The following ETV6 variants were observed in gnomAD, a reference collection of about 807,000 sequenced individuals.
ETV6 encodes ETS variant transcription factor 6.
ETV6 carries 16 observed loss-of-function variants against 51.1 expected under a neutral mutation model. That is an observed-to-expected ratio of 0.31 (90% confidence interval 0.21 to 0.48). ETV6 has a LOEUF of 0.48. Ranked by LOEUF, ETV6 falls within the 20% of genes least tolerant of loss-of-function variation. ETV6 has a pLI of 0.99. For missense variants in ETV6, 458 were observed against 594.8 expected (o/e 0.77, Z 2.39); for synonymous variants, 240 against 224.1 (o/e 1.07, Z -0.64).
chr12:11,820,097 A>G (rs1234808095), intron 2 of ETV6, among the ~76,000 whole-genome samples: 1 of 152,202 alleles, frequency 6.6e-6, no homozygotes, highest in African/African-American at 2.4e-5. Flanking sequence ...ATAATTCCTG[A>G]CGTAGGTCCT....
intron 2 of ETV6, among the ~76,000 whole-genome samples, chr12:11,812,010 C>T (rs1945920828): frequency 6.6e-6 from 1 of 152,194 alleles, no homozygotes; most frequent in African/African-American, 2.4e-5. Flanking sequence ...CAATCAGACA[C>T]ATGTGGCAGT....
intron 2 of ETV6, among the ~76,000 whole-genome samples, chr12:11,778,861 C>T (rs1028166237): frequency 1.2e-4 from 19 of 152,196 alleles, no homozygotes; most frequent in African/African-American, 2.2e-4. Flanking sequence ...ACACATTATT[C>T]GTTTGTAAAA....
At chr12:11,864,650 T>C (rs577443440) in intron 4 of ETV6, among the ~76,000 whole-genome samples, 2 of 152,312 alleles carry the variant, frequency 1.3e-5, no homozygotes, top group East Asian at 1.9e-4. Flanking sequence ...TTACAGATCA[T>C]TTTAGTTGGT....
At chr12:11,749,121 C>A (rs1210783927) in intron 1 of ETV6, among the ~76,000 whole-genome samples, 1 of 152,112 alleles carries the variant, frequency 6.6e-6, no homozygotes, top group Non-Finnish European at 1.5e-5. Flanking sequence ...TTTACAGCAT[C>A]TAAACAATAA....
intron 1 of ETV6, among the ~76,000 whole-genome samples, chr12:11,745,345 T>G (rs1865887626): frequency 6.6e-6 from 1 of 152,250 alleles, no homozygotes; most frequent in Non-Finnish European, 1.5e-5. Context: ...AGGAGAACAG[T>G]AAATCGCCCA....
intron 2 of ETV6, among the ~76,000 whole-genome samples, chr12:11,782,929 A>G (rs1166894479): frequency 1.3e-5 from 2 of 152,206 alleles, no homozygotes; most frequent in East Asian, 1.9e-4. Flanking sequence ...ATGCCATGCT[A>G]AGGAGTTTAG....
At chr12:11,849,108 GTTGT>G (rs56777835) in intron 3 of ETV6, among the ~76,000 whole-genome samples, 39 of 151,460 alleles carry the variant, frequency 2.6e-4, no homozygotes, top group African/African-American at 7.3e-4. Context: ...CTGTTTTGGC[GTTGT>G]TTGTTTGTTT....
intron 3 of ETV6, among the ~76,000 whole-genome samples, chr12:11,848,808 A>G (rs1946504850): frequency 2.0e-5 from 3 of 152,236 alleles, no homozygotes. Context: ...CTGTGTATGT[A>G]TGCGTGAAGA....
At chr12:11,820,949 G>A (rs191559982) in intron 2 of ETV6, among the ~76,000 whole-genome samples, 1 of 152,328 alleles carries the variant, frequency 6.6e-6, no homozygotes, top group Admixed American at 6.5e-5. Context: ...ATCCAGGCAA[G>A]AGAGGATGGT....
rs1420299534 is a variant in ETV6, at chr12:11,894,085, C to CAGTT, written c.*3042_*3045dup. On this transcript the variant is annotated 3_prime_UTR_variant, in exon 8 of 8. Transcript: ENST00000396373. ...CTGCAGACCCTAAAGATTTCAGATT[C>CAGTT]AGTTAGCAAACCTTGATGAAGCACC... 2 of 229,114 alleles carry CAGTT rather than the reference C, an allele frequency of 8.7e-6. No individual in the cohort carries two copies. Among genetic ancestry groups the CAGTT allele is most frequent in the East Asian group, 6.2e-5 (1 of 16,142 alleles). 14.2% of individuals were successfully genotyped at this position (229,114 alleles called of 1,614,324 possible). A position where few individuals can be genotyped will look rare whatever the true frequency, so the allele number is the denominator to read the frequency against.
Position 11,650,021 on chromosome 12 carries a change from C to G in ETV6, c.-107C>G, listed in dbSNP as rs1368890266. On this transcript the variant is annotated 5_prime_UTR_variant, in exon 1 of 8. Coordinates refer to ENST00000396373, the MANE Select transcript of ETV6 (RefSeq NM_001987.5). ...CTGCCGGGAGAGATGCTGGAAGAAA[C>G]TTCTTAAATGACCGCGTCTGGCTGG... is the stretch of plus-strand genomic sequence containing the variant. The G allele has an allele frequency of 8.4e-6, 9 of 1,072,926 alleles. No individual in the cohort carries two copies. Among genetic ancestry groups the G allele is most frequent in the African/African-American group, 1.6e-5 (1 of 64,252 alleles). The allele number at this position is 1,072,926 out of a possible 1,614,324, so 66.5% of individuals were successfully genotyped here. A position where few individuals can be genotyped will look rare whatever the true frequency, so the allele number is the denominator to read the frequency against.
intron 1 of ETV6, among the ~76,000 whole-genome samples, chr12:11,650,805 T>G (rs1863892769): frequency 6.6e-6 from 1 of 152,176 alleles, no homozygotes; most frequent in South Asian, 2.1e-4. Flanking sequence ...TTTACTCCGA[T>G]CCATATGAAA....
chr12:11,851,529 C>T (rs564057267), intron 3 of ETV6, among the ~76,000 whole-genome samples: 3 of 152,262 alleles, frequency 2.0e-5, no homozygotes, highest in Admixed American at 2.0e-4. Context: ...CAATGAATTC[C>T]GAAGCCGTTC....
At chr12:11,826,566 T>TC (rs1946156391) in intron 2 of ETV6, 1 of 152,204 alleles carries the variant, frequency 6.6e-6, no homozygotes, top group South Asian at 2.1e-4. Flanking sequence ...GACTCATTCC[T>TC]CCCCACTCAT....
Position 11,816,246 on chromosome 12 carries a change from TTTG to T in ETV6, c.164-22879_164-22877del, listed in dbSNP as rs374969356. 1.9e-3 allele frequency among the ~76,000 whole-genome samples: 292 copies of T among 152,226 alleles called. 2 individuals are homozygous for T. The highest frequency in any genetic ancestry group is 6.8e-3 in the Middle Eastern group (2 of 294). On this transcript the variant is annotated intron_variant, in intron 2 of 7. Transcript: ENST00000396373. ...AAGCAAAAACAGTTAGCTTTATGTT[TTTG>T]TTGTTGTTGTTGTTTGAGACGGAGT...
At chr12:11,876,631 T>TC (rs1268137922) in intron 5 of ETV6, among the ~76,000 whole-genome samples, 1 of 152,226 alleles carries the variant, frequency 6.6e-6, no homozygotes, top group African/African-American at 2.4e-5. Context: ...TCCATTCATT[T>TC]CATAACCCCT....
At chr12:11,791,774 T>A (rs1945598240) in intron 2 of ETV6, among the ~76,000 whole-genome samples, 1 of 151,894 alleles carries the variant, frequency 6.6e-6, no homozygotes, top group Non-Finnish European at 1.5e-5. Context: ...ATATGCTGTT[T>A]TTTTTTAATA....
chr12:11,829,602 G>C (rs1946213138), intron 2 of ETV6, among the ~76,000 whole-genome samples: 1 of 152,168 alleles, frequency 6.6e-6, no homozygotes, highest in Non-Finnish European at 1.5e-5. Context: ...CTCTGGGTCA[G>C]TTTTGCTGTC....
chr12:11,759,175 GA>G (rs901888217), intron 2 of ETV6, among the ~76,000 whole-genome samples: 18 of 146,178 alleles, frequency 1.2e-4, no homozygotes, highest in East Asian at 4.0e-4. Context: ...TTTTTTTTAA[GA>G]AAAAAAATAT....
Sources: allele counts gnomAD v4.1 joint callset (sites outside exome capture counted in the v4.1 genomes callset), GRCh38; gene constraint gnomAD v4.1.1; transcripts MANE v1.5; gene names NCBI Gene and HGNC (gene_info 2026-07-23, HGNC 2026-07-21).